CMPK1: variants seen among roughly 807,000 people sequenced by gnomAD.
CMPK1 encodes the protein UMP-CMP kinase.
CMPK1 carries 10 observed loss-of-function variants against 25.7 expected under a neutral mutation model. That is an observed-to-expected ratio of 0.39 (90% CI 0.24 to 0.66). The LOEUF (loss-of-function observed/expected upper bound fraction) is 0.66, where lower values mean the gene tolerates loss of function less well. Ranked by LOEUF, CMPK1 falls within the 30% of genes least tolerant of loss-of-function variation. The pLI is 0.48. For missense variants in CMPK1, 199 were observed against 280.5 expected (o/e 0.71, Z 2.08); for synonymous variants, 106 against 101.5 (o/e 1.04, Z -0.27).
intron 5 of CMPK1, among the ~76,000 whole-genome samples, chr1:47,376,040 G>A (rs979303908): frequency 6.6e-6 from 1 of 151,912 alleles, no homozygotes; most frequent in Non-Finnish European, 1.5e-5. Context: ...AGCCACTTCA[G>A]TTATATTTTA....
chr1:47,351,900 C>T (rs901153195), intron 1 of CMPK1, among the ~76,000 whole-genome samples: 5 of 151,922 alleles, frequency 3.3e-5, no homozygotes, highest in Non-Finnish European at 7.4e-5. Context: ...CTTTGGGAGG[C>T]TAAGGCAGGT....
rs150517952 is a variant in CMPK1 at position 47,357,214 on chromosome 1, C to T, written c.172-11255C>T. The stretch of plus-strand genomic sequence containing the variant: ...TTCTGACCTGGTGATCTGCCTGCCT[C>T]GGCCTCCCAAACAAAGTGCTGAGAT... On this transcript the variant is annotated intron_variant, in intron 1 of 5. Transcript: ENST00000371873. 5.3e-3 allele frequency among the ~76,000 whole-genome samples: 811 copies of T among 151,632 alleles called. 2 individuals are homozygous for T. The highest frequency in any genetic ancestry group is 0.031 in the East Asian group (158 of 5,082).
chr1:47,373,725 G>A (rs576260370), intron 3 of CMPK1, among the ~76,000 whole-genome samples: 1 of 152,076 alleles, frequency 6.6e-6, no homozygotes, highest in Middle Eastern at 3.4e-3. Context: ...GAACCTGGGA[G>A]GCAGAGGTTG....
chr1:47,371,649 T>C (rs958539218), intron 2 of CMPK1, among the ~76,000 whole-genome samples: 27 of 152,170 alleles, frequency 1.8e-4, no homozygotes, highest in African/African-American at 6.5e-4. Flanking sequence ...CTTCTCAGGG[T>C]TTTATACTTG....
intron 1 of CMPK1, among the ~76,000 whole-genome samples, chr1:47,360,372 G>A (rs964228658): frequency 3.9e-5 from 6 of 152,140 alleles, no homozygotes; most frequent in African/African-American, 7.2e-5. Flanking sequence ...GGTCCATTTG[G>A]CATATAAATC....
chr1:47,334,449 G>T (rs1378338597), intron 1 of CMPK1, among the ~76,000 whole-genome samples: 3 of 152,242 alleles, frequency 2.0e-5, no homozygotes, highest in South Asian at 4.1e-4. Context: ...CCAGCGCGCA[G>T]AGGTTAGCGT....
chr1:47,374,483 C>T (rs1646695397), intron 3 of CMPK1, among the ~76,000 whole-genome samples: 1 of 152,120 alleles, frequency 6.6e-6, no homozygotes, highest in Admixed American at 6.5e-5. Context: ...TCACAATTAA[C>T]AAAGGATGCT....
intron 1 of CMPK1, among the ~76,000 whole-genome samples, chr1:47,349,285 G>T (rs1220328564): frequency 2.6e-5 from 4 of 152,196 alleles, no homozygotes; most frequent in Non-Finnish European, 4.4e-5. Flanking sequence ...TACCTCAGAG[G>T]CCTGTTGTGG....
At chr1:47,336,529 G>GT (rs1646400557) in intron 1 of CMPK1, among the ~76,000 whole-genome samples, 1 of 151,916 alleles carries the variant, frequency 6.6e-6, no homozygotes, top group Non-Finnish European at 1.5e-5. Context: ...TTTTGTTGTT[G>GT]TTGTTTGTTT....
Position 47,375,285 on chromosome 1 carries a change from G to A in CMPK1, c.637G>A (p.Val213Ile), listed in dbSNP as rs769524257. 1 of 1,575,158 alleles carries A rather than the reference G, an allele frequency of 6.3e-7. No individual in the cohort carries two copies. The highest frequency in any genetic ancestry group is 8.6e-7 in the Non-Finnish European group (1 of 1,158,028). Residue 213 changes from valine to isoleucine, a missense_variant, in exon 5 of 6, where the codon GTT becomes ATT. Physicochemically the swap from Val to Ile is conservative, Grantham distance 29 (BLOSUM62 3). Around this residue, in one of 2 missense-constraint regions of CMPK1, gnomAD observed 140 missense variants for 235.5 expected, o/e 0.59. Coordinates refer to ENST00000371873, the MANE Select transcript of CMPK1 (RefSeq NM_016308.3). ...CAAGAAAATAGATGCTTCTAAATCT[G>A]TTGATGAAGTAAGTGTTCCTAGCCT... ...KVKKIDASKS[V>I]DEVFDEVVQI...
chr1:47,334,051 C>T lies in CMPK1; in HGVS notation c.106C>T (p.Leu36=), dbSNP rs1191911936. The part of the protein sequence containing the change: ...LLCSPRLMKP[L]VVFVLGGPGA... The stretch of plus-strand genomic sequence containing the variant: ...CTGCTCTCCACGTCTCATGAAGCCG[C>T]TGGTCGTGTTCGTCCTCGGCGGCCC... Residue 36 remains leucine, a synonymous_variant, in exon 1 of 6, where the codon CTG becomes TTG. Transcript: ENST00000371873. 6.4e-7 allele frequency: 1 copy of T among 1,552,310 alleles called. No homozygotes were observed. Among genetic ancestry groups the T allele is most frequent in the Admixed American group, 1.9e-5 (1 of 52,742 alleles).
intron 1 of CMPK1, chr1:47,358,350 C>G (rs1227583667): frequency 9.5e-7 from 1 of 1,056,932 alleles, no homozygotes; most frequent in Non-Finnish European, 1.3e-6. Context: ...TGGCCTCGAG[C>G]AACCCTCTCG....
intron 1 of CMPK1, among the ~76,000 whole-genome samples, chr1:47,366,121 G>A (rs1184890776): frequency 6.6e-6 from 1 of 152,198 alleles, no homozygotes. Flanking sequence ...TTGAACCTGG[G>A]AAGCAGAGGT....
intron 1 of CMPK1, among the ~76,000 whole-genome samples, chr1:47,346,489 T>C (rs1646484776): frequency 3.3e-5 from 5 of 151,972 alleles, no homozygotes. Flanking sequence ...CCCTGTCTCT[T>C]TTCTTTCTCT....
chr1:47,342,554 A>G (rs1646448698), intron 1 of CMPK1, among the ~76,000 whole-genome samples: 1 of 152,022 alleles, frequency 6.6e-6, no homozygotes, highest in Non-Finnish European at 1.5e-5. Context: ...TATCAAAAGT[A>G]TATGAATATC....
chr1:47,370,952 G>A (rs904641630), intron 2 of CMPK1, among the ~76,000 whole-genome samples: 1 of 109,416 alleles, frequency 9.1e-6, no homozygotes, highest in Admixed American at 1.2e-4. Flanking sequence ...GTGAGATTCC[G>A]CCTCAAAAAA....
At chr1:47,354,577 G>A (rs1259199074) in intron 1 of CMPK1, among the ~76,000 whole-genome samples, 1 of 146,210 alleles carries the variant, frequency 6.8e-6, no homozygotes, top group Non-Finnish European at 1.5e-5. Context: ...CATACACATA[G>A]TGCTTATTGT....
At chr1:47,375,419 A>G in intron 5 of CMPK1, 126 bp downstream of exon 5, 1 of 632,850 alleles carries the variant, frequency 1.6e-6, no homozygotes, top group Non-Finnish European at 2.6e-6. Flanking sequence ...ACTGGAAGCC[A>G]GTCATGGTGG....
chr1:47,365,633 C>CAAAAAAAAAAAAAA (rs10623948), intron 1 of CMPK1, among the ~76,000 whole-genome samples: 2 of 108,414 alleles, frequency 1.8e-5, no homozygotes, highest in Non-Finnish European at 3.5e-5. Flanking sequence ...GACCCTGTCT[C>CAAAAAAAAAAAAAA]AAAAAAAAAA....
Sources: allele counts gnomAD v4.1 joint callset (sites outside exome capture counted in the v4.1 genomes callset), GRCh38; gene constraint gnomAD v4.1.1; regional missense constraint gnomAD v4.1.1; transcripts MANE v1.5; gene names NCBI Gene and HGNC (gene_info 2026-07-23, HGNC 2026-07-21).